TBC1D5: variants seen among roughly 807,000 people sequenced by gnomAD.
TBC1D5 encodes the protein TBC1 domain family, member 5.
A neutral mutation model predicts 100.3 loss-of-function variants in TBC1D5; 75 were observed. The observed-to-expected ratio is 0.75, with a 90% CI of 0.62 to 0.91. The LOEUF is 0.91. Ranked by LOEUF, TBC1D5 falls within the 40% of genes least tolerant of loss-of-function variation. The pLI, the probability that TBC1D5 is intolerant of heterozygous loss-of-function variation, is 0.00. For missense variants in TBC1D5, 910 were observed against 942.4 expected (o/e 0.97, Z 0.45); for synonymous variants, 323 against 325.6 (o/e 0.99, Z 0.09).
At position 17,592,788 on chromosome 3, in the gene TBC1D5, C is replaced by G. The variant is rs1405774553; in HGVS notation, c.-36+31061G>C. ...CTTTAGCAGGCTCCCACAGGTGAAT[C>G]ACAGTGGAGCCCTCTAGGATTTTGG... On this transcript the variant is annotated intron_variant, in intron 2 of 21. Coordinates refer to ENST00000253692, the Ensembl canonical transcript of TBC1D5. Among the ~76,000 whole-genome samples, 4 of 152,302 alleles carry G rather than the reference C, an allele frequency of 2.6e-5. No homozygotes were observed. The East Asian group carries it at 7.7e-4, about 29-fold the overall frequency.
chr3:17,647,802 A>C (rs2065151824), intron 1 of TBC1D5, among the ~76,000 whole-genome samples: 1 of 152,166 alleles, frequency 6.6e-6, no homozygotes, highest in Admixed American at 6.5e-5. Context: ...CAAAAGAATG[A>C]CTTTGATCCT....
chr3:17,585,963 G>T (rs1476676406), intron 2 of TBC1D5, among the ~76,000 whole-genome samples: 1 of 152,094 alleles, frequency 6.6e-6, no homozygotes, highest in Non-Finnish European at 1.5e-5. Flanking sequence ...AAGAAATGGT[G>T]GGGGAGTGGG....
At chr3:17,708,796 C>A (rs765232566) in intron 1 of TBC1D5, among the ~76,000 whole-genome samples, 4 of 152,192 alleles carry the variant, frequency 2.6e-5, no homozygotes, top group Non-Finnish European at 5.9e-5. Context: ...AAACTCCCAC[C>A]AGCATATAAT....
chr3:17,459,565 T>C (rs1413877479), intron 3 of TBC1D5, among the ~76,000 whole-genome samples: 3 of 152,144 alleles, frequency 2.0e-5, no homozygotes, highest in African/African-American at 4.8e-5. Context: ...TATTGCACCA[T>C]TACATATTTT....
At chr3:17,382,451 G>A (rs932094276) in intron 9 of TBC1D5, among the ~76,000 whole-genome samples, 8 of 151,642 alleles carry the variant, frequency 5.3e-5, no homozygotes, top group Non-Finnish European at 8.8e-5. Context: ...GGTTATCACT[G>A]GAATGATAAT....
chr3:17,321,329 A>C (rs1344368929), intron 13 of TBC1D5, among the ~76,000 whole-genome samples: 3 of 152,260 alleles, frequency 2.0e-5, no homozygotes, highest in Non-Finnish European at 4.4e-5. Flanking sequence ...TTACAGGTGT[A>C]TGCCACTAGG....
intron 16 of TBC1D5, among the ~76,000 whole-genome samples, chr3:17,241,267 CA>C (rs2076286305): frequency 6.6e-6 from 1 of 152,150 alleles, no homozygotes; most frequent in South Asian, 2.1e-4. Context: ...CAACTTCCAA[CA>C]ATTATTAATG....
At chr3:17,375,101 A>G (rs2092651229) in intron 10 of TBC1D5, among the ~76,000 whole-genome samples, 6 of 152,194 alleles carry the variant, frequency 3.9e-5, no homozygotes, top group Non-Finnish European at 1.5e-5. Flanking sequence ...TCAACTTATC[A>G]GTGACAACAC....
At chr3:17,629,954 A>T (rs939821840) in intron 1 of TBC1D5, among the ~76,000 whole-genome samples, 16 of 152,228 alleles carry the variant, frequency 1.1e-4, no homozygotes, top group African/African-American at 3.9e-4. Context: ...GTTACAAAAA[A>T]CTAATACATG....
chr3:17,446,916 A>G (rs2094811562), intron 3 of TBC1D5, among the ~76,000 whole-genome samples: 1 of 151,670 alleles, frequency 6.6e-6, no homozygotes, highest in South Asian at 2.1e-4. Flanking sequence ...GCTTGCAGTG[A>G]GCCGAGATCA....
At chr3:17,723,371 T>C (rs891805054) in intron 1 of TBC1D5, among the ~76,000 whole-genome samples, 4 of 152,124 alleles carry the variant, frequency 2.6e-5, no homozygotes, top group Admixed American at 1.3e-4. Flanking sequence ...ACATTATTAA[T>C]AGAGCAAGAC....
intron 13 of TBC1D5, among the ~76,000 whole-genome samples, chr3:17,345,766 C>T (rs1177318247): frequency 2.0e-5 from 3 of 152,116 alleles, no homozygotes; most frequent in South Asian, 2.1e-4. Flanking sequence ...TCATGTCCTT[C>T]GTAGGGACGG....
At chr3:17,239,032 C>T (rs900782633) in intron 16 of TBC1D5, among the ~76,000 whole-genome samples, 9 of 152,120 alleles carry the variant, frequency 5.9e-5, no homozygotes, top group Non-Finnish European at 1.2e-4. Context: ...TTATTTTTCT[C>T]GATAGCACTT....
Position 17,554,544 on chromosome 3 carries a change from TTCCTA to T in TBC1D5, c.-35-45944_-35-45940del, listed in dbSNP as rs773482519. Among the ~76,000 whole-genome samples, 4 of 152,218 alleles carry T rather than the reference TTCCTA, an allele frequency of 2.6e-5. No homozygotes were observed. The East Asian group carries it at 5.8e-4, about 22-fold the overall frequency. On this transcript the variant is annotated intron_variant, in intron 2 of 21. Coordinates refer to ENST00000253692, the Ensembl canonical transcript of TBC1D5. ...TGAAGCACAGGGATACAACTTTACT[TTCCTA>T]TTATTCTTATGTTATGCTCAGGAAC...
chr3:17,166,818 G>A, exon 21 of TBC1D5: 2 of 1,614,210 alleles, frequency 1.2e-6, no homozygotes, highest in Non-Finnish European at 1.7e-6. Context: ...CTCGGCCCTG[G>A]CCCTGGCCGC....
chr3:17,304,023 C>T (rs945463558), intron 14 of TBC1D5, among the ~76,000 whole-genome samples: 1 of 152,006 alleles, frequency 6.6e-6, no homozygotes, highest in Non-Finnish European at 1.5e-5. Flanking sequence ...AACCTTGTTT[C>T]CTCCTTTATC....
intron 2 of TBC1D5, among the ~76,000 whole-genome samples, chr3:17,608,972 A>T (rs925666254): frequency 6.6e-6 from 1 of 152,138 alleles, no homozygotes; most frequent in African/African-American, 2.4e-5. Flanking sequence ...GTATTCCTAC[A>T]CTTATTCCTT....
intron 13 of TBC1D5, among the ~76,000 whole-genome samples, chr3:17,310,010 T>A (rs985502528): frequency 1.3e-5 from 2 of 152,148 alleles, no homozygotes; most frequent in African/African-American, 4.8e-5. Flanking sequence ...CCTCTTTCCT[T>A]ACAGCTCAAA....
chr3:17,391,889 T>G (rs1445789723), intron 8 of TBC1D5, among the ~76,000 whole-genome samples: 1 of 152,146 alleles, frequency 6.6e-6, no homozygotes, highest in Non-Finnish European at 1.5e-5. Context: ...GTACTGAAAG[T>G]ATTGTCTGGT....
Sources: allele counts gnomAD v4.1 joint callset (sites outside exome capture counted in the v4.1 genomes callset), GRCh38; gene constraint gnomAD v4.1.1; transcripts MANE v1.5; gene names NCBI Gene and HGNC (gene_info 2026-07-23, HGNC 2026-07-21).